STAG1: variants seen among roughly 807,000 people sequenced by gnomAD.
STAG1 encodes the protein cohesin subunit SA-1.
STAG1 carries 26 observed loss-of-function variants against 170.9 expected under a neutral mutation model. The observed-to-expected ratio is 0.15, with a 90% confidence interval of 0.11 to 0.21. The LOEUF (loss-of-function observed/expected upper bound fraction) is 0.21, where lower values mean the gene tolerates loss of function less well. STAG1 is among the 10% of genes least tolerant of loss of function. The pLI, the probability that STAG1 is intolerant of heterozygous loss-of-function variation, is 1.00. For synonymous variants in STAG1, 514 were observed against 497.7 expected (o/e 1.03, Z -0.44); for missense variants, 964 against 1,509.5 (o/e 0.64, Z 5.99).
intron 1 of STAG1, among the ~76,000 whole-genome samples, chr3:136,743,791 T>C (rs1934798737): frequency 6.6e-6 from 1 of 152,024 alleles, no homozygotes; most frequent in Admixed American, 6.6e-5. Flanking sequence ...AATAAAACTA[T>C]AAAGCAATAT....
At position 136,422,945 on chromosome 3, in the gene STAG1, A is replaced by G. The variant is rs1200420211; in HGVS notation, c.1743+7T>C. The G allele has an allele frequency of 3.8e-6, 6 of 1,596,596 alleles. No individual in the cohort carries two copies. The East Asian group carries it at 1.3e-4, about 36-fold the overall frequency. On this transcript the variant is annotated splice_region_variant and intron_variant, in intron 17 of 33. Transcript: ENST00000383202. The stretch of plus-strand genomic sequence containing the variant: ...GTGACATAACAAAACTGTAAATGAA[A>G]CTGTACCTTTGACAGTAACATAGGA...
At position 136,647,029 on chromosome 3, in the gene STAG1, A is replaced by G. The variant is rs140553286; in HGVS notation, c.-83-16048T>C. ...TACACATGCTAATTACTCTGATCTG[A>G]TCATTATACATTATGTATACTGCAA... On this transcript the variant is annotated intron_variant, in intron 1 of 33. Transcript: ENST00000383202. 3.9e-5 allele frequency among the ~76,000 whole-genome samples: 6 copies of G among 152,344 alleles called. No homozygotes were observed. In the East Asian group the frequency reaches 1.2e-3, roughly 29 times the overall value.
At chr3:136,548,140 GTCTCAC>G (rs1936237982) in intron 5 of STAG1, among the ~76,000 whole-genome samples, 2 of 151,206 alleles carry the variant, frequency 1.3e-5, no homozygotes. Flanking sequence ...TTGAGACAGG[GTCTCAC>G]TCTGTCATCC....
intron 14 of STAG1, among the ~76,000 whole-genome samples, chr3:136,448,013 G>C (rs2088833603): frequency 6.6e-6 from 1 of 152,080 alleles, no homozygotes. Flanking sequence ...TATCTGGCAT[G>C]CATCTAAAAT....
intron 9 of STAG1, among the ~76,000 whole-genome samples, chr3:136,499,611 A>G (rs1933356618): frequency 6.6e-6 from 1 of 152,220 alleles, no homozygotes; most frequent in Admixed American, 6.5e-5. Context: ...AATGTAAAAT[A>G]TGCTCTTTTA....
intron 8 of STAG1, among the ~76,000 whole-genome samples, chr3:136,501,632 G>C (rs761358812): frequency 1.3e-5 from 2 of 152,160 alleles, no homozygotes; most frequent in African/African-American, 4.8e-5. Flanking sequence ...AAGCCTGTGA[G>C]ATTATAATAA....
chr3:136,503,606 C>G (rs1323767572), intron 7 of STAG1, among the ~76,000 whole-genome samples: 1 of 152,030 alleles, frequency 6.6e-6, no homozygotes, highest in Non-Finnish European at 1.5e-5. Context: ...TTAGGTTATT[C>G]ATGTGCAAGT....
At chr3:136,722,928 G>A (rs1304013388) in intron 1 of STAG1, among the ~76,000 whole-genome samples, 10 of 152,228 alleles carry the variant, frequency 6.6e-5, no homozygotes, top group African/African-American at 2.4e-4. Context: ...TCCTAACTGT[G>A]AGTGATCCGC....
At chr3:136,718,647 A>C (rs761801616) in intron 1 of STAG1, among the ~76,000 whole-genome samples, 2 of 152,208 alleles carry the variant, frequency 1.3e-5, no homozygotes, top group Non-Finnish European at 2.9e-5. Context: ...AGAGGTGGCC[A>C]GGCGTGGTGG....
chr3:136,491,423 A>T (rs1174433896), intron 9 of STAG1, among the ~76,000 whole-genome samples: 1 of 152,096 alleles, frequency 6.6e-6, no homozygotes, highest in Non-Finnish European at 1.5e-5. Flanking sequence ...ATTACATTCC[A>T]ATTCACTAAT....
intron 7 of STAG1, among the ~76,000 whole-genome samples, chr3:136,510,527 C>T (rs543261297): frequency 9.9e-5 from 15 of 151,736 alleles, no homozygotes; most frequent in African/African-American, 3.6e-4. Flanking sequence ...CTGCCCTCTT[C>T]GGCCTCTAAA....
At chr3:136,734,119 A>AAAAAC (rs760499308) in intron 1 of STAG1, among the ~76,000 whole-genome samples, 15 of 147,990 alleles carry the variant, frequency 1.0e-4, no homozygotes, top group African/African-American at 2.0e-4. Flanking sequence ...AAAAAAAAAA[A>AAAAAC]AAAACAAAAC....
At chr3:136,415,844 T>C (rs1216627137) in intron 21 of STAG1, among the ~76,000 whole-genome samples, 1 of 152,046 alleles carries the variant, frequency 6.6e-6, no homozygotes, top group Admixed American at 6.6e-5. Flanking sequence ...AAAAAAGAAG[T>C]GGTTAAATAC....
intron 12 of STAG1, among the ~76,000 whole-genome samples, chr3:136,466,808 G>C (rs1489380173): frequency 6.6e-6 from 1 of 152,264 alleles, no homozygotes; most frequent in Non-Finnish European, 1.5e-5. Flanking sequence ...GGATTTCTCA[G>C]CAGAAACTGA....
At chr3:136,628,634 G>A (rs902136637) in intron 2 of STAG1, among the ~76,000 whole-genome samples, 3 of 152,070 alleles carry the variant, frequency 2.0e-5, no homozygotes, top group Non-Finnish European at 4.4e-5. Flanking sequence ...CTAAACAAAG[G>A]CATGTGTTAA....
In STAG1 at chr3:136,452,088, T is replaced by C; in HGVS notation, c.1373A>G (p.Asn458Ser). The C allele has an allele frequency of 6.2e-7, 1 of 1,613,592 alleles. No homozygotes were observed. The highest frequency in any genetic ancestry group is 8.5e-7 in the Non-Finnish European group (1 of 1,179,884). ...EEALAKRRGR[N>S]SPNGNLIRML... Reference sequence around the variant, plus strand: ...CCTAATGAGGTTTCCATTCGGGCTGTTTCTTCCCCTCCTCTTTGCTAATGC... The same window carrying C: ...CCTAATGAGGTTTCCATTCGGGCTGCTTCTTCCCCTCCTCTTTGCTAATGC... Residue 458 changes from asparagine (N) to serine (S), a missense_variant, in exon 14 of 34, where the codon AAC becomes AGC. Asn to Ser is a conservative substitution (Grantham distance 46). Around this residue, in one of 11 missense-constraint regions of STAG1, gnomAD observed 162 missense variants for 211.2 expected, o/e 0.77. Coordinates refer to ENST00000383202, the MANE Select transcript of STAG1 (RefSeq NM_005862.3).
intron 9 of STAG1, among the ~76,000 whole-genome samples, chr3:136,494,946 T>C (rs898777685): frequency 6.6e-6 from 1 of 152,194 alleles, no homozygotes; most frequent in Admixed American, 6.5e-5. Flanking sequence ...TCAGAAGCTT[T>C]TGTTCAAAAA....
rs72989418 is a variant in STAG1, at chr3:136,491,339, C to T, written c.902+8884G>A. Among the ~76,000 whole-genome samples, 1,191 of 152,260 alleles carry T rather than the reference C, an allele frequency of 7.8e-3. 13 individuals are homozygous for T. Among genetic ancestry groups the T allele is most frequent in the African/African-American group, 0.027 (1,135 of 41,558 alleles). Reference sequence around the variant, plus strand: ...AGGACTGGTGAAGTATCTGACACTACCCTTCCCATATCAGAAAGGTCCGTC... The same window carrying T: ...AGGACTGGTGAAGTATCTGACACTATCCTTCCCATATCAGAAAGGTCCGTC... On this transcript the variant is annotated intron_variant, in intron 9 of 33. Coordinates refer to ENST00000383202, the MANE Select transcript of STAG1 (RefSeq NM_005862.3).
At chr3:136,740,143 C>T (rs991240378) in intron 1 of STAG1, among the ~76,000 whole-genome samples, 1 of 152,060 alleles carries the variant, frequency 6.6e-6, no homozygotes, top group African/African-American at 2.4e-5. Context: ...CTCAGCTACT[C>T]GGGAGGCTGA....
Sources: gnomAD v4.1 joint callset for allele counts (sites outside exome capture counted in the v4.1 genomes callset) on GRCh38, gnomAD v4.1.1 for gene constraint, gnomAD v4.1.1 regional missense constraint, MANE v1.5 for transcripts, NCBI Gene and HGNC (gene_info 2026-07-23, HGNC 2026-07-21) for gene names.